The following SNTB2 variants were observed in gnomAD, a reference collection of about 807,000 sequenced individuals.
SNTB2 encodes beta-2-syntrophin.
A neutral mutation model predicts 46.2 loss-of-function variants in SNTB2; 34 were observed. The ratio of observed to expected loss-of-function variants is 0.74; its 90% CI spans 0.56 to 0.98. The LOEUF is 0.98. SNTB2 is among the 50% of genes least tolerant of loss of function. The probability of loss-of-function intolerance (pLI) is 0.00; values close to 1 mark genes in which losing one functional copy is unlikely to be tolerated. For synonymous variants in SNTB2, 290 were observed against 312.6 expected, an observed-to-expected ratio of 0.93 and a Z score of 0.76; for missense variants, 603 against 731.4, an observed-to-expected ratio of 0.82 and a Z score of 2.02.
chr16:69,292,419 TATATATATATATATATTATATATATATA>T (rs1965179313), intron 5 of SNTB2, among the ~76,000 whole-genome samples: 1 of 2,026 alleles, frequency 4.9e-4, no homozygotes, highest in African/African-American at 2.6e-3. Context: ...ATATATATAT[TATATATATATATATATTATATATATATA>T]ATTTTTTTTT....
In SNTB2 at chr16:69,222,995, G is replaced by T. The variant is rs967265981; in HGVS notation, c.581-22607G>T. Among the ~76,000 whole-genome samples the T allele has an allele frequency of 3.9e-5, 6 of 152,028 alleles. No individual in the cohort carries two copies. The East Asian group carries it at 1.2e-3, about 29-fold the overall frequency. On this transcript the variant is annotated intron_variant, in intron 1 of 6. Transcript: ENST00000336278. Reference sequence around the variant, plus strand: ...GATGAGGTTTCACCACAGTGGCCAGGCTGGTCTCAAACTCCTAACCTCAGG... The same window carrying T: ...GATGAGGTTTCACCACAGTGGCCAGTCTGGTCTCAAACTCCTAACCTCAGG...
intron 1 of SNTB2, among the ~76,000 whole-genome samples, chr16:69,207,512 C>A (rs774711685): frequency 6.6e-6 from 1 of 151,994 alleles, no homozygotes; most frequent in Non-Finnish European, 1.5e-5. Flanking sequence ...TTTATGTTGA[C>A]CAATTATAAA....
Position 69,187,227 on chromosome 16 carries a change from C to G in SNTB2, c.61C>G (p.Arg21Gly). The G allele has an allele frequency of 6.9e-7, 1 of 1,446,458 alleles. No homozygotes were observed. Among genetic ancestry groups the G allele is most frequent in the Non-Finnish European group, 9.1e-7 (1 of 1,101,268 alleles). The allele number at this position is 1,446,458 out of a possible 1,614,324, so 89.6% of individuals were successfully genotyped here. Residue 21 changes from arginine to glycine, a missense_variant, in exon 1 of 7, where the codon CGG (arginine) becomes GGG (glycine). By Grantham distance (125) the Arg-to-Gly change is moderately radical. Transcript: ENST00000336278. ...GGGGCCGGCCATGGCGGTGTGGACGCGGGCCACCAAAGCGGGGCTGGTGGA... is the reference window on the plus strand; with the variant it reads ...GGGGCCGGCCATGGCGGTGTGGACGGGGGCCACCAAAGCGGGGCTGGTGGA... ...GAGPAMAVWT[R>G]ATKAGLVELL...
intron 3 of SNTB2, among the ~76,000 whole-genome samples, chr16:69,263,279 A>G (rs1964853823): frequency 6.6e-6 from 1 of 151,434 alleles, no homozygotes; most frequent in Non-Finnish European, 1.5e-5. Context: ...GCTAATTTTA[A>G]AATTATTTTT....
chr16:69,203,415 A>AT (rs1328433316), intron 1 of SNTB2, among the ~76,000 whole-genome samples: 1 of 151,950 alleles, frequency 6.6e-6, no homozygotes. Context: ...GCTCACTGTA[A>AT]CTAGTTTTGA....
intron 1 of SNTB2, among the ~76,000 whole-genome samples, chr16:69,242,306 G>C (rs1045043693): frequency 6.6e-5 from 10 of 152,156 alleles, no homozygotes; most frequent in African/African-American, 2.4e-4. Context: ...TGTGCCTATA[G>C]TTGCAGCTAC....
intron 5 of SNTB2, among the ~76,000 whole-genome samples, chr16:69,290,476 A>T (rs965605791): frequency 6.6e-6 from 1 of 152,180 alleles, no homozygotes; most frequent in Non-Finnish European, 1.5e-5. Context: ...ATCTAGGAGA[A>T]GAGAAGAAAA....
In SNTB2 at chr16:69,308,295, T is replaced by C. The variant is rs1209852383; in HGVS notation, c.*7371T>C. On this transcript the variant is annotated 3_prime_UTR_variant, in exon 7 of 7. Transcript: ENST00000336278. Reference sequence around the variant, plus strand: ...TAAAGCGGGTGTCAGTTGTGTCTTTTCACCTCGATTTGTGAATTAATAGAA... The same window carrying C: ...TAAAGCGGGTGTCAGTTGTGTCTTTCCACCTCGATTTGTGAATTAATAGAA... The C allele has an allele frequency of 6.5e-6, 1 of 152,688 alleles. No individual in the cohort carries two copies. Among genetic ancestry groups the C allele is most frequent in the East Asian group, 1.9e-4 (1 of 5,200 alleles). 9.5% of individuals were successfully genotyped at this position (152,688 alleles called of 1,614,324 possible). A position where few individuals can be genotyped will look rare whatever the true frequency, so the allele number is the denominator to read the frequency against.
At chr16:69,267,168 C>T (rs913637634) in intron 3 of SNTB2, among the ~76,000 whole-genome samples, 4 of 152,080 alleles carry the variant, frequency 2.6e-5, no homozygotes, top group African/African-American at 9.7e-5. Context: ...GCTGGGACTA[C>T]AGGCGCGTGC....
chr16:69,277,030 T>G (rs1964990693), intron 4 of SNTB2, among the ~76,000 whole-genome samples: 1 of 152,222 alleles, frequency 6.6e-6, no homozygotes, highest in South Asian at 2.1e-4. Flanking sequence ...ATGACTGTTG[T>G]CTCAAGGAAA....
chr16:69,202,773 G>T (rs1416506404), intron 1 of SNTB2, among the ~76,000 whole-genome samples: 1 of 151,738 alleles, frequency 6.6e-6, no homozygotes, highest in East Asian at 1.9e-4. Context: ...ATGGGGTTTC[G>T]CCATGTTGGC....
intron 3 of SNTB2, among the ~76,000 whole-genome samples, chr16:69,267,120 C>T (rs1964894523): frequency 6.6e-6 from 1 of 151,976 alleles, no homozygotes; most frequent in African/African-American, 2.4e-5. Flanking sequence ...CTCTGCCTCC[C>T]GGGTTCAAGC....
intron 3 of SNTB2, among the ~76,000 whole-genome samples, chr16:69,266,700 A>G (rs1335740579): frequency 2.0e-5 from 3 of 152,130 alleles, no homozygotes; most frequent in African/African-American, 7.2e-5. Context: ...ACTTAAGGGG[A>G]AAAATTATTT....
Position 69,308,330 on chromosome 16 carries a change from G to T in SNTB2, c.*7406G>T, listed in dbSNP as rs948447680. 6.6e-6 allele frequency: 1 copy of T among 152,590 alleles called. No individual in the cohort carries two copies. The highest frequency in any genetic ancestry group is 2.4e-5 in the African/African-American group (1 of 41,428). 9.5% of individuals were successfully genotyped at this position (152,590 alleles called of 1,614,324 possible). A position where few individuals can be genotyped will look rare whatever the true frequency, so the allele number is the denominator to read the frequency against. ...TTGTGAATTAATAGAATTGGGGGGA[G>T]AGGAAATGATGATGTCAATTAAGTT... On this transcript the variant is annotated 3_prime_UTR_variant, in exon 7 of 7. Coordinates refer to ENST00000336278, the MANE Select transcript of SNTB2 (RefSeq NM_006750.4).
chr16:69,267,323 C>T (rs918885313), intron 3 of SNTB2, among the ~76,000 whole-genome samples: 8 of 152,256 alleles, frequency 5.3e-5, no homozygotes, highest in African/African-American at 1.9e-4. Context: ...GGCCCAAAAT[C>T]AGTTTATCAT....
chr16:69,287,264 C>T (rs937678796), intron 5 of SNTB2, among the ~76,000 whole-genome samples: 5 of 151,602 alleles, frequency 3.3e-5, no homozygotes, highest in African/African-American at 9.7e-5. Context: ...AAAATGAAAA[C>T]CTTTATTTAA....
intron 1 of SNTB2, among the ~76,000 whole-genome samples, chr16:69,209,000 T>C (rs1046086438): frequency 6.2e-5 from 9 of 145,636 alleles, no homozygotes; most frequent in Non-Finnish European, 1.2e-4. Flanking sequence ...GTTTTTGAGA[T>C]GGAGTCTCAC....
At chr16:69,223,369 AT>A (rs1390117549) in intron 1 of SNTB2, among the ~76,000 whole-genome samples, 1 of 150,554 alleles carries the variant, frequency 6.6e-6, no homozygotes, top group Non-Finnish European at 1.5e-5. Flanking sequence ...TAATTTTTGT[AT>A]TTTTAGTGGA....
intron 1 of SNTB2, among the ~76,000 whole-genome samples, chr16:69,204,042 G>A (rs1047996297): frequency 1.3e-5 from 2 of 152,040 alleles, no homozygotes; most frequent in Non-Finnish European, 2.9e-5. Flanking sequence ...ACAGGCACCC[G>A]CCACCACGCC....
Sources: allele counts gnomAD v4.1 joint callset (sites outside exome capture counted in the v4.1 genomes callset), GRCh38; gene constraint gnomAD v4.1.1; transcripts MANE v1.5; gene names NCBI Gene and HGNC (gene_info 2026-07-23, HGNC 2026-07-21).